The following CAMK4 variants were observed in gnomAD, a reference collection of about 807,000 sequenced individuals.
The protein encoded by CAMK4 is calcium/calmodulin-dependent protein kinase type IV.
CAMK4 carries 22 observed loss-of-function variants against 44.9 expected under a neutral mutation model. That is an observed-to-expected ratio of 0.49 (90% confidence interval 0.35 to 0.70). The LOEUF is 0.70. Ranked by LOEUF, CAMK4 falls within the 30% of genes least tolerant of loss-of-function variation. The probability of loss-of-function intolerance (pLI) is 0.01; values close to 1 mark genes in which losing one functional copy is unlikely to be tolerated. For missense variants in CAMK4, 498 were observed against 586.8 expected (o/e 0.85, Z 1.56); for synonymous variants, 218 against 215.4 (o/e 1.01, Z -0.11).
intron 2 of CAMK4, among the ~76,000 whole-genome samples, chr5:111,356,062 C>T (rs1357440214): frequency 2.5e-5 from 3 of 121,412 alleles, no homozygotes; most frequent in Non-Finnish European, 5.2e-5. Flanking sequence ...GTTCTAGATC[C>T]CTGAGGAATC....
intron 7 of CAMK4, among the ~76,000 whole-genome samples, chr5:111,471,580 T>A (rs1755067750): frequency 6.6e-6 from 1 of 152,266 alleles, no homozygotes; most frequent in African/African-American, 2.4e-5. Context: ...ATAGAGGCTC[T>A]TTTCAAACTG....
At chr5:111,478,296 G>C (rs146461193) in intron 8 of CAMK4, 85 bp from the exon 9 acceptor site, 4 of 799,330 alleles carry the variant, frequency 5.0e-6, no homozygotes, top group Non-Finnish European at 7.6e-6. Flanking sequence ...CAGTGAAAAA[G>C]AACAGTCCTG....
At position 111,476,270 on chromosome 5, in the gene CAMK4, T is replaced by TG. The variant is rs112601813; in HGVS notation, c.702-2111_702-2110insG. 5.9e-5 allele frequency among the ~76,000 whole-genome samples: 8 copies of TG among 135,576 alleles called. No homozygotes were observed. The East Asian group carries it at 1.2e-3, about 21-fold the overall frequency. The allele number at this position is 135,576 out of a possible 152,430, so 88.9% of individuals were successfully genotyped here. ...GTGTGTGTGTGTGTGTGTGTGTGTG[T>TG]TTGTGTGTGTGTGTGTGTGTGTGTT... is the stretch of plus-strand genomic sequence containing the variant. On this transcript the variant is annotated intron_variant, in intron 8 of 10. Transcript: ENST00000282356.
intron 2 of CAMK4, among the ~76,000 whole-genome samples, chr5:111,364,401 A>T (rs1750712823): frequency 6.6e-6 from 1 of 152,070 alleles, no homozygotes; most frequent in African/African-American, 2.4e-5. Context: ...CTTTGTATTA[A>T]CTTTGTTTAG....
chr5:111,228,392 T>C (rs1748299058), intron 1 of CAMK4, among the ~76,000 whole-genome samples: 1 of 152,212 alleles, frequency 6.6e-6, no homozygotes, highest in Admixed American at 6.5e-5. Context: ...AACACAATTA[T>C]GTGTATACAT....
At chr5:111,291,425 G>A (rs373290595) in intron 1 of CAMK4, among the ~76,000 whole-genome samples, 195 of 152,144 alleles carry the variant, frequency 1.3e-3, no homozygotes, top group African/African-American at 4.4e-3. Context: ...AAAGTTAACC[G>A]AAGCAAGTGG....
At chr5:111,274,362 A>C (rs1427697325) in intron 1 of CAMK4, among the ~76,000 whole-genome samples, 3 of 152,168 alleles carry the variant, frequency 2.0e-5, no homozygotes, top group Non-Finnish European at 2.9e-5. Context: ...CCCTAGAATG[A>C]AAGGTTTATT....
chr5:111,440,191 A>C (rs1237768116), intron 5 of CAMK4, among the ~76,000 whole-genome samples: 1 of 152,074 alleles, frequency 6.6e-6, no homozygotes, highest in East Asian at 1.9e-4. Flanking sequence ...AATGGAGAGG[A>C]AGAGGTAAAG....
chr5:111,326,982 G>A (rs1447168538), intron 1 of CAMK4, among the ~76,000 whole-genome samples: 1 of 151,498 alleles, frequency 6.6e-6, no homozygotes, highest in Non-Finnish European at 1.5e-5. Context: ...AAAGCTGAGT[G>A]CTTTCTAAGA....
In CAMK4 at chr5:111,464,295, G is replaced by T. The variant is rs951808205; in HGVS notation, c.626-9016G>T. Among the ~76,000 whole-genome samples, 8 of 151,862 alleles carry T rather than the reference G, an allele frequency of 5.3e-5. No individual in the cohort carries two copies. The East Asian group carries it at 1.5e-3, about 29-fold the overall frequency. On this transcript the variant is annotated intron_variant, in intron 7 of 10. Coordinates refer to ENST00000282356, the MANE Select transcript of CAMK4 (RefSeq NM_001744.6). ...CCCAATTCAGTAAAGACGAAAAAAA[G>T]AATTTAAAAAAATGAAAAAAGCCTC...
intron 1 of CAMK4, among the ~76,000 whole-genome samples, chr5:111,329,659 C>G (rs551331182): frequency 1.9e-4 from 29 of 151,696 alleles, no homozygotes; most frequent in African/African-American, 7.0e-4. Flanking sequence ...CCCAAGAATG[C>G]AAGGTGAGCT....
chr5:111,356,497 C>G (rs1750361902), intron 2 of CAMK4, among the ~76,000 whole-genome samples: 1 of 152,350 alleles, frequency 6.6e-6, no homozygotes, highest in Admixed American at 6.5e-5. Flanking sequence ...TGCAGAAGCT[C>G]TTTAGTTTAA....
At chr5:111,348,042 G>GAGACTTTT (rs1158541199) in intron 2 of CAMK4, among the ~76,000 whole-genome samples, 3 of 151,980 alleles carry the variant, frequency 2.0e-5, no homozygotes, top group African/African-American at 7.2e-5. Context: ...CTTAAAGTGA[G>GAGACTTTT]AGACTTTTAA....
chr5:111,394,859 C>T (rs523389), intron 5 of CAMK4, 77 bp downstream of exon 5: 808,465 of 889,060 alleles, frequency 0.91, 368,231 homozygotes, highest in East Asian at 0.99. Flanking sequence ...AAGAAATGCG[C>T]ATCTGTGATA....
intron 1 of CAMK4, among the ~76,000 whole-genome samples, chr5:111,342,323 T>C (rs1749679087): frequency 6.6e-6 from 1 of 151,456 alleles, no homozygotes; most frequent in Admixed American, 6.6e-5. Flanking sequence ...CACATATTTA[T>C]ATTTATTATG....
intron 5 of CAMK4, among the ~76,000 whole-genome samples, chr5:111,437,465 TTCTTTGTCTC>T (rs1753686751): frequency 1.3e-5 from 2 of 152,188 alleles, no homozygotes; most frequent in Non-Finnish European, 2.9e-5. Flanking sequence ...TATCTGGGGA[TTCTTTGTCTC>T]TATGGAGTTC....
chr5:111,427,741 T>G (rs1339871659), intron 5 of CAMK4, among the ~76,000 whole-genome samples: 1 of 152,230 alleles, frequency 6.6e-6, no homozygotes, highest in African/African-American at 2.4e-5. Flanking sequence ...CCAGGTAGAC[T>G]TCTAAGGTTT....
chr5:111,340,769 G>A lies in CAMK4; in HGVS notation c.162-3255G>A, dbSNP rs566132645. Reference sequence around the variant, plus strand: ...TTCAGTTTTTGAAAGAGTTTGAGACGGATTGGTATTAGTTTTTTTTAATGT... The same window carrying A: ...TTCAGTTTTTGAAAGAGTTTGAGACAGATTGGTATTAGTTTTTTTTAATGT... On this transcript the variant is annotated intron_variant, in intron 1 of 10. Transcript: ENST00000282356. Among the ~76,000 whole-genome samples, 62 of 151,188 alleles carry A rather than the reference G, an allele frequency of 4.1e-4. No homozygotes were observed. The South Asian group carries it at 4.8e-3, about 12-fold the overall frequency.
At chr5:111,475,526 G>A (rs1425243189) in intron 8 of CAMK4, among the ~76,000 whole-genome samples, 5 of 152,118 alleles carry the variant, frequency 3.3e-5, no homozygotes. Context: ...CTAAAAATCT[G>A]TCCTATCCCC....
Sources: allele counts gnomAD v4.1 joint callset (sites outside exome capture counted in the v4.1 genomes callset), GRCh38; gene constraint gnomAD v4.1.1; transcripts MANE v1.5; gene names NCBI Gene and HGNC (gene_info 2026-07-23, HGNC 2026-07-21).